The following GFPT1 variants were observed in gnomAD, a reference collection of about 807,000 sequenced individuals.
GFPT1 encodes the protein glutamine--fructose-6-phosphate aminotransferase [isomerizing] 1.
In GFPT1, 40 loss-of-function variants were observed where a neutral mutation model predicts 92.0. That is an observed-to-expected ratio of 0.43 (90% CI 0.34 to 0.57). The LOEUF (loss-of-function observed/expected upper bound fraction) is 0.57. Ranked by LOEUF, GFPT1 falls within the 20% of genes least tolerant of loss-of-function variation. The pLI, the probability that GFPT1 is intolerant of heterozygous loss-of-function variation, is 0.02. For missense variants in GFPT1, 448 were observed against 869.1 expected (o/e 0.52, Z 6.09); for synonymous variants, 269 against 280.6 (o/e 0.96, Z 0.41).
At chr2:69,369,540 G>T (rs1671692731) in intron 3 of GFPT1, among the ~76,000 whole-genome samples, 2 of 152,124 alleles carry the variant, frequency 1.3e-5, no homozygotes, top group Admixed American at 1.3e-4. Flanking sequence ...AAACTGTGAG[G>T]GAAAACATGA....
intron 12 of GFPT1, among the ~76,000 whole-genome samples, chr2:69,345,638 T>C (rs539957658): frequency 1.1e-3 from 164 of 152,328 alleles, no homozygotes; most frequent in Non-Finnish European, 2.0e-3. Flanking sequence ...TCTGTACCCT[T>C]TAAACAGTGA....
intron 13 of GFPT1, among the ~76,000 whole-genome samples, chr2:69,339,252 C>T (rs1670877240): frequency 6.6e-6 from 1 of 152,136 alleles, no homozygotes; most frequent in South Asian, 2.1e-4. Flanking sequence ...AATCAGGTAA[C>T]AGATGTACAA....
chr2:69,348,526 T>TA (rs1282255441), intron 10 of GFPT1, among the ~76,000 whole-genome samples, 192 bp from the exon 11 acceptor site: 1 of 152,104 alleles, frequency 6.6e-6, no homozygotes, highest in African/African-American at 2.4e-5. Flanking sequence ...GGACAAAAAA[T>TA]AAAAGGAACT....
chr2:69,327,057 A>T lies in GFPT1; in HGVS notation c.1912T>A (p.Cys638Ser). Reference sequence around the variant, plus strand: ...ATGGTCTCAGTATCCTCCTTATCACAAATTACCACAGGCCGCCCCTAGGAA... The same window carrying T: ...ATGGTCTCAGTATCCTCCTTATCACTAATTACCACAGGCCGCCCCTAGGAA... ...VARQGRPVVI[C>S]DKEDTETIKN... Residue 638 changes from cysteine (C) to serine (S), a missense_variant, in exon 19 of 20, where the codon TGT becomes AGT. Physicochemically the swap from Cys to Ser is moderately radical, Grantham distance 112 (BLOSUM62 -1). This residue lies in a region of GFPT1 where 55 missense variants were observed against 98.8 expected (regional missense o/e 0.56). Transcript: ENST00000357308. 1 of 1,614,104 alleles carries T rather than the reference A, an allele frequency of 6.2e-7. No individual in the cohort carries two copies. Among genetic ancestry groups the T allele is most frequent in the Non-Finnish European group, 8.5e-7 (1 of 1,179,998 alleles).
chr2:69,378,940 A>G lies in GFPT1; in HGVS notation c.8-4827T>C, dbSNP rs902037796. On this transcript the variant is annotated intron_variant, in intron 1 of 19. Transcript: ENST00000357308. ...TATAATGCTAGTCACAAATTAATTCATCACCATCATTAAAAATTCAAAGTA... is the reference window on the plus strand; with the variant it reads ...TATAATGCTAGTCACAAATTAATTCGTCACCATCATTAAAAATTCAAAGTA... Among the ~76,000 whole-genome samples the G allele has an allele frequency of 2.0e-4, 30 of 152,304 alleles. No homozygotes were observed. The East Asian group carries it at 5.8e-3, about 29-fold the overall frequency.
chr2:69,379,993 A>G (rs1204961268), intron 1 of GFPT1, among the ~76,000 whole-genome samples: 10 of 151,572 alleles, frequency 6.6e-5, no homozygotes, highest in Non-Finnish European at 1.5e-4. Context: ...TGCTGGGATT[A>G]CAGGCATGAG....
At chr2:69,375,717 C>T (rs1434364920) in intron 1 of GFPT1, among the ~76,000 whole-genome samples, 4 of 152,136 alleles carry the variant, frequency 2.6e-5, no homozygotes, top group Non-Finnish European at 5.9e-5. Context: ...ACAGCACCAC[C>T]ACCCTGTAAG....
At chr2:69,370,745 G>C (rs2104681253) in intron 2 of GFPT1, among the ~76,000 whole-genome samples, 1 of 152,320 alleles carries the variant, frequency 6.6e-6, no homozygotes, top group Middle Eastern at 3.4e-3. Context: ...ATATTGAAAA[G>C]TGGAACTGAC....
At chr2:69,346,066 A>G in intron 11 of GFPT1, 67 bp from the exon 12 acceptor site, 5 of 900,194 alleles carry the variant, frequency 5.6e-6, no homozygotes, top group East Asian at 2.4e-5. Context: ...TACACAACTA[A>G]AAGTTTCCTT....
intron 1 of GFPT1, among the ~76,000 whole-genome samples, chr2:69,379,133 T>A (rs1049067544): frequency 1.3e-5 from 2 of 152,138 alleles, no homozygotes; most frequent in Admixed American, 1.3e-4. Flanking sequence ...TGCTACAGAA[T>A]TGTGAAAATC....
At chr2:69,338,106 C>T in intron 14 of GFPT1, 51 bp from the exon 15 acceptor site, 2 of 1,559,710 alleles carry the variant, frequency 1.3e-6, no homozygotes, top group Non-Finnish European at 1.8e-6. Flanking sequence ...TTAACATATG[C>T]TGTTTCTTAG....
intron 9 of GFPT1, 67 bp from the exon 10 acceptor site, chr2:69,350,250 T>A: frequency 1.0e-6 from 1 of 987,504 alleles, no homozygotes; most frequent in Non-Finnish European, 1.6e-6. Flanking sequence ...GAAATATGCA[T>A]AATATTCTAT....
In GFPT1 at chr2:69,333,369, A is replaced by G. The variant is rs75854305; in HGVS notation, c.1483-3571T>C. Among the ~76,000 whole-genome samples the G allele has an allele frequency of 2.4e-4, 36 of 152,366 alleles. No individual in the cohort carries two copies. The East Asian group carries it at 6.9e-3, about 29-fold the overall frequency. ...CACTAGTTTTTAAGTACAAATATTA[A>G]ACGGAGCAACTTTAATCCATGTTTT... On this transcript the variant is annotated intron_variant, in intron 15 of 19. Coordinates refer to ENST00000357308, the MANE Select transcript of GFPT1 (RefSeq NM_001244710.2).
At chr2:69,367,775 G>A (rs1394549627) in intron 3 of GFPT1, among the ~76,000 whole-genome samples, 1 of 152,190 alleles carries the variant, frequency 6.6e-6, no homozygotes, top group Non-Finnish European at 1.5e-5. Context: ...TTTCCTTCAA[G>A]TATATATCCA....
chr2:69,328,495 G>A, intron 17 of GFPT1, 57 bp from the exon 18 acceptor site: 1 of 1,288,300 alleles, frequency 7.8e-7, no homozygotes, highest in South Asian at 1.2e-5. Flanking sequence ...CCATGTTTAA[G>A]TAAATATTAT....
At position 69,378,056 on chromosome 2, in the gene GFPT1, C is replaced by A. The variant is rs568143280; in HGVS notation, c.8-3943G>T. ...TTTGAAACAGAGTCTCGCTTTGTCG[C>A]CAAGGCTGGCGCCATCTCAGCTCAC... On this transcript the variant is annotated intron_variant, in intron 1 of 19. Transcript: ENST00000357308. 3.3e-5 allele frequency among the ~76,000 whole-genome samples: 5 copies of A among 152,256 alleles called. No homozygotes were observed. In the East Asian group the frequency reaches 9.7e-4, roughly 29 times the overall value.
rs17854372 is a variant in GFPT1 at position 69,326,995 on chromosome 2, T to C, written c.1974A>G (p.Ser658=). ...NTKRTIKVPH[S]VDCLQGILSV... ...TGAGAATGCCCTGCAAGCAGTCCAC[T>C]GAGTGGGGCACCTTGATCGTTCTTT... is the stretch of plus-strand genomic sequence containing the variant. Residue 658 remains serine, a synonymous_variant, in exon 19 of 20, where the codon TCA becomes TCG. Transcript: ENST00000357308. 6.2e-7 allele frequency: 1 copy of C among 1,614,164 alleles called. No homozygotes were observed. The highest frequency in any genetic ancestry group is 2.2e-5 in the East Asian group (1 of 44,888).
At chr2:69,363,484 C>T (rs1045633026) in intron 4 of GFPT1, 61 bp downstream of exon 4, 1 of 1,505,392 alleles carries the variant, frequency 6.6e-7, no homozygotes, top group Non-Finnish European at 9.2e-7. Context: ...TAAAAGCCTT[C>T]ATTCTGCCCC....
intron 4 of GFPT1, among the ~76,000 whole-genome samples, chr2:69,362,217 C>A (rs2104663210): frequency 6.6e-6 from 1 of 152,286 alleles, no homozygotes; most frequent in South Asian, 2.1e-4. Flanking sequence ...GCAGCCTCAA[C>A]CCCCAGGTTC....
Sources: allele counts gnomAD v4.1 joint callset (sites outside exome capture counted in the v4.1 genomes callset), GRCh38; gene constraint gnomAD v4.1.1; regional missense constraint gnomAD v4.1.1; transcripts MANE v1.5; gene names NCBI Gene and HGNC (gene_info 2026-07-23, HGNC 2026-07-21).